The following ADGRG4 variants were observed in gnomAD, a reference collection of about 807,000 sequenced individuals.
ADGRG4 encodes the protein G protein-coupled receptor 112.
A neutral mutation model predicts 126.2 loss-of-function variants in ADGRG4; 122 were observed. That is an observed-to-expected ratio of 0.97 (90% CI 0.83 to 1.12). ADGRG4 has a LOEUF of 1.12. Among genes scored for constraint, ADGRG4 ranks in the 50% most tolerant of loss-of-function variants. ADGRG4 has a pLI of 0.00. For missense variants in ADGRG4, 2,481 were observed against 2,251.8 expected (o/e 1.10, Z -2.06); for synonymous variants, 943 against 838.7 (o/e 1.12, Z -2.15).
intron 20 of ADGRG4, among the ~76,000 whole-genome samples, chrX:136,399,647 C>T (rs1286657365): frequency 2.7e-5 from 3 of 109,951 alleles, no homozygotes; most frequent in African/African-American, 9.9e-5. Flanking sequence ...TTGAGAGAGA[C>T]TATTATTATT....
rs369030708 is a variant in ADGRG4, at chrX:136,331,138, G to A, written c.685+7746G>A. On this transcript the variant is annotated intron_variant, in intron 5 of 25. Transcript: ENST00000394143. ...CTTAGCTTATTTCACTTAACATAAT[G>A]ACTCCCCGTTCCATCCATGTTGTTG... 7.2e-5 allele frequency among the ~76,000 whole-genome samples: 8 copies of A among 111,605 alleles called. No individual in the cohort carries two copies. In the East Asian group the frequency reaches 2.2e-3, roughly 31 times the overall value.
At chrX:136,399,631 G>A (rs2075368887) in intron 20 of ADGRG4, among the ~76,000 whole-genome samples, 1 of 109,685 alleles carries the variant, frequency 9.1e-6, no homozygotes, top group Non-Finnish European at 1.9e-5. Flanking sequence ...TCTCTCAACT[G>A]CGTAGTTGAG....
In ADGRG4 at chrX:136,345,002, A is replaced by G; in HGVS notation, c.1296A>G (p.Thr432=). 1.7e-6 allele frequency: 2 copies of G among 1,211,447 alleles called. No individual in the cohort carries two copies. The highest frequency in any genetic ancestry group is 2.2e-6 in the Non-Finnish European group (2 of 895,210). Reference sequence around the variant, plus strand: ...ATACTGGGGCACTCCCTATCTCCACAGCTGGCCAGGAGTTCATTGAATCTA... The same window carrying G: ...ATACTGGGGCACTCCCTATCTCCACGGCTGGCCAGGAGTTCATTGAATCTA... The part of the protein sequence containing the change: ...STNTGALPIS[T]AGQEFIESTA... The change falls in exon 6 of 26, where the codon ACA becomes ACG. Residue 432 remains threonine (T), a synonymous_variant. Transcript: ENST00000394143.
Position 136,353,357 on chromosome X carries a change from C to G in ADGRG4, c.6843C>G (p.Asn2281Lys). 8.4e-7 allele frequency: 1 copy of G among 1,192,260 alleles called. No homozygotes were observed. Among genetic ancestry groups the G allele is most frequent in the Non-Finnish European group, 1.1e-6 (1 of 878,720 alleles). Residue 2281 changes from asparagine (N) to lysine (K), a missense_variant, in exon 8 of 26, where the codon AAC (asparagine) becomes AAG (lysine). Asn to Lys is a moderately conservative substitution (Grantham distance 94, BLOSUM62 0). Coordinates refer to ENST00000394143, the MANE Select transcript of ADGRG4 (RefSeq NM_153834.4). The part of the protein sequence containing the change: ...TENSLNSIFQ[N>K]SEFSLATLET... ...TACAGTTGAATTCTATATTTCAGAA[C>G]AGTGAATTTTCTCTTGCTACTCTGG...
Position 136,301,872 on chromosome X carries a change from G to T in ADGRG4, c.-254+872G>T, listed in dbSNP as rs887248584. 2.7e-5 allele frequency among the ~76,000 whole-genome samples: 3 copies of T among 111,890 alleles called. No individual in the cohort carries two copies. In the East Asian group the frequency reaches 8.4e-4, roughly 31 times the overall value. ...CCCATTGCTTGTTTTTCTCAGGTTTGTCAAAGATCAGATAGTTGCAGATAT... is the reference window on the plus strand; with the variant it reads ...CCCATTGCTTGTTTTTCTCAGGTTTTTCAAAGATCAGATAGTTGCAGATAT... On this transcript the variant is annotated intron_variant, in intron 1 of 25. Transcript: ENST00000394143.
chrX:136,336,909 A>C (rs1411474527), intron 5 of ADGRG4, among the ~76,000 whole-genome samples: 2 of 111,384 alleles, frequency 1.8e-5, no homozygotes, highest in East Asian at 5.6e-4. Context: ...TATCAGTTTG[A>C]GTGAGGTATG....
chrX:136,320,563 T>G (rs1830129881), intron 4 of ADGRG4, among the ~76,000 whole-genome samples: 1 of 111,787 alleles, frequency 8.9e-6, no homozygotes, highest in Non-Finnish European at 1.9e-5. Flanking sequence ...GTATTGGCCT[T>G]TATATTTCTG....
At chrX:136,358,414 G>A (rs1373201959) in intron 10 of ADGRG4, among the ~76,000 whole-genome samples, 1 of 111,845 alleles carries the variant, frequency 8.9e-6, no homozygotes, top group Non-Finnish European at 1.9e-5. Flanking sequence ...AGCAAGTACA[G>A]GTATGTCTAA....
Position 136,359,571 on chromosome X carries a change from GT to G in ADGRG4, c.7144+126del, listed in dbSNP as rs1374236662. On this transcript the variant is annotated intron_variant, in intron 11 of 25. Coordinates refer to ENST00000394143, the MANE Select transcript of ADGRG4 (RefSeq NM_153834.4). ...CAGAAAGGAGAGAAGTCATCTTTCT[GT>G]TTTTTTTTTCATATTCTTGGTACCC... is the stretch of plus-strand genomic sequence containing the variant. The G allele has an allele frequency of 1.6e-3, 788 of 505,742 alleles. 2 individuals are homozygous for G. The highest frequency in any genetic ancestry group is 2.0e-3 in the Non-Finnish European group (650 of 331,650). 41.7% of individuals were successfully genotyped at this position (505,742 alleles called of 1,213,427 possible).
chrX:136,343,297 C>T (rs2148463508), intron 5 of ADGRG4, among the ~76,000 whole-genome samples: 1 of 110,615 alleles, frequency 9.0e-6, no homozygotes, highest in Admixed American at 9.6e-5. Context: ...TGGAGAGAAG[C>T]TAATGAGTTC....
Position 136,414,169 on chromosome X carries a change from G to C in ADGRG4, c.9047G>C (p.Ser3016Thr), listed in dbSNP as rs751956125. ...CTTGGTATCATTTCAGATGGGAGCA[G>C]CCGGTGTCAGATAAAGGTTGGATAT... The part of the protein sequence containing the change: ...LRLDNSSDGS[S>T]RCQIKVGYKQ... Residue 3016 changes from serine to threonine, a missense_variant, in exon 25 of 26, where the codon AGC becomes ACC. By Grantham distance (58) the Ser-to-Thr change is moderately conservative (BLOSUM62 1). Coordinates refer to ENST00000394143, the MANE Select transcript of ADGRG4 (RefSeq NM_153834.4). 8 of 1,194,211 alleles carry C rather than the reference G, an allele frequency of 6.7e-6. No individual in the cohort carries two copies. In the South Asian group the frequency reaches 7.5e-5, roughly 11 times the overall value.
At chrX:136,334,122 TTCTTTCTTTC>T (rs1276886096) in intron 5 of ADGRG4, among the ~76,000 whole-genome samples, 5 of 100,724 alleles carry the variant, frequency 5.0e-5, no homozygotes, top group Non-Finnish European at 8.0e-5. Flanking sequence ...CTTTCTTTCT[TTCTTTCTTTC>T]TTTCTTTTTC....
chrX:136,356,433 T>C (rs899211310), intron 9 of ADGRG4, among the ~76,000 whole-genome samples: 9 of 111,755 alleles, frequency 8.1e-5, no homozygotes, highest in Non-Finnish European at 1.5e-4. Flanking sequence ...TTCTTCGTTA[T>C]AGATGTCTTG....
chrX:136,320,911 C>A (rs927498717), intron 4 of ADGRG4, among the ~76,000 whole-genome samples: 1 of 110,641 alleles, frequency 9.0e-6, no homozygotes, highest in Non-Finnish European at 1.9e-5. Context: ...AGAGTGAGAC[C>A]CCCCCTCTTA....
chrX:136,394,836 T>C (rs1315899480), intron 18 of ADGRG4, among the ~76,000 whole-genome samples: 3 of 111,954 alleles, frequency 2.7e-5, no homozygotes, highest in Non-Finnish European at 5.6e-5. Flanking sequence ...CTACAGGTTG[T>C]GGAGGTATGA....
intron 5 of ADGRG4, among the ~76,000 whole-genome samples, chrX:136,331,180 A>AT (rs964749331): frequency 6.3e-5 from 7 of 111,995 alleles, no homozygotes; most frequent in Admixed American, 1.9e-4. Flanking sequence ...ACTGGATCTC[A>AT]TTTTTTTGTG....
Position 136,405,940 on chromosome X carries a change from T to C in ADGRG4, c.8903T>C (p.Leu2968Ser). The change falls in exon 23 of 26, where the codon TTG becomes TCG. Residue 2968 changes from leucine (L) to serine (S), a missense_variant. Transcript: ENST00000394143. ...FAWGPMRNFFLYLFAIFNTLQ... is the reference protein window; with the variant it reads ...FAWGPMRNFFSYLFAIFNTLQ... ...TGGGGACCCATGAGGAACTTTTTCT[T>C]GTATTTGTTTGCCATTTTTAACACT... 1 of 1,133,854 alleles carries C rather than the reference T, an allele frequency of 8.8e-7. No individual in the cohort carries two copies. The highest frequency in any genetic ancestry group is 1.2e-6 in the Non-Finnish European group (1 of 854,794). 93.4% of individuals were successfully genotyped at this position (1,133,854 alleles called of 1,213,427 possible). A position where few individuals can be genotyped will look rare whatever the true frequency, so the allele number is the denominator to read the frequency against.
chrX:136,366,656 C>T (rs2075160313), intron 13 of ADGRG4, among the ~76,000 whole-genome samples: 1 of 112,362 alleles, frequency 8.9e-6, no homozygotes, highest in Non-Finnish European at 1.9e-5. Flanking sequence ...TTCCTATCAG[C>T]AATGAGAGTT....
intron 16 of ADGRG4, among the ~76,000 whole-genome samples, chrX:136,391,934 G>A (rs1488263487): frequency 1.8e-5 from 2 of 112,539 alleles, no homozygotes; most frequent in Non-Finnish European, 3.8e-5. Flanking sequence ...CCAAAATAGA[G>A]AATAGTTTCA....
Sources: allele counts gnomAD v4.1 joint callset (sites outside exome capture counted in the v4.1 genomes callset), GRCh38; gene constraint gnomAD v4.1.1; transcripts MANE v1.5; gene names NCBI Gene and HGNC (gene_info 2026-07-23, HGNC 2026-07-21).